Variants in HMOX1 observed in about 807,000 individuals in gnomAD.
HMOX1 encodes the protein heme oxygenase 1, also known as heat shock protein, 32-kD.
A neutral mutation model predicts 27.8 loss-of-function variants in HMOX1; 22 were observed. That is an observed-to-expected ratio of 0.79 (90% CI 0.57 to 1.13). HMOX1 has a LOEUF of 1.13. Ranked by LOEUF, HMOX1 falls within the 50% of genes most tolerant of loss-of-function variation. HMOX1 has a pLI of 0.00. For missense variants in HMOX1, 379 were observed against 377.7 expected (o/e 1.00, Z -0.03); for synonymous variants, 153 against 151.6 (o/e 1.01, Z -0.07).
chr22:35,389,483 C>T (rs759174768), intron 3 of HMOX1, among the ~76,000 whole-genome samples: 3 of 147,044 alleles, frequency 2.0e-5, no homozygotes, highest in Non-Finnish European at 4.4e-5. Context: ...CGCCCTGTCA[C>T]CCGGGCTGGA....
chr22:35,394,118 C>G lies in HMOX1; in HGVS notation c.*520C>G, dbSNP rs530826190. The G allele has an allele frequency of 4.7e-6, 1 of 211,060 alleles. No homozygotes were observed. Among genetic ancestry groups the G allele is most frequent in the African/African-American group, 2.3e-5 (1 of 43,528 alleles). 13.1% of individuals were successfully genotyped at this position (211,060 alleles called of 1,614,324 possible). A position where few individuals can be genotyped will look rare whatever the true frequency, so the allele number is the denominator to read the frequency against. Reference sequence around the variant, plus strand: ...TAGCAGGGTTGGGGTGGTTTTTGAGCCATGCGTGGGTGGGGAGGGAGGTGT... The same window carrying G: ...TAGCAGGGTTGGGGTGGTTTTTGAGGCATGCGTGGGTGGGGAGGGAGGTGT... On this transcript the variant is annotated 3_prime_UTR_variant, in exon 5 of 5. Transcript: ENST00000216117.
intron 4 of HMOX1, among the ~76,000 whole-genome samples, chr22:35,390,845 G>A (rs1426051078): frequency 6.6e-6 from 1 of 152,140 alleles, no homozygotes; most frequent in Non-Finnish European, 1.5e-5. Context: ...GTCTTGTTGT[G>A]TGTGAGCCCC....
At chr22:35,384,056 C>T (rs200449055) in intron 2 of HMOX1, among the ~76,000 whole-genome samples, 1 of 152,046 alleles carries the variant, frequency 6.6e-6, no homozygotes, top group Non-Finnish European at 1.5e-5. Flanking sequence ...TCTGCCACCC[C>T]CTACTTCCAA....
rs56153278 is a variant in HMOX1 at position 35,391,586 on chromosome 22, C to CTTTT, written c.736+1645_736+1648dup. 4.8e-3 allele frequency among the ~76,000 whole-genome samples: 430 copies of CTTTT among 88,908 alleles called. 19 individuals are homozygous for CTTTT. The highest frequency in any genetic ancestry group is 0.016 in the African/African-American group (288 of 17,682). The allele number at this position is 88,908 out of a possible 152,430, so 58.3% of individuals were successfully genotyped here. A position where few individuals can be genotyped will look rare whatever the true frequency, so the allele number is the denominator to read the frequency against. The stretch of plus-strand genomic sequence containing the variant: ...ACAGGTGTGAGCCACCGCGCCCGGC[C>CTTTT]TTTTTTTTTTTTTTTTTTTTTTTTT... On this transcript the variant is annotated intron_variant, in intron 4 of 4. Coordinates refer to ENST00000216117, the MANE Select transcript of HMOX1 (RefSeq NM_002133.3).
At chr22:35,382,155 G>T (rs893196814) in intron 1 of HMOX1, among the ~76,000 whole-genome samples, 2 of 152,034 alleles carry the variant, frequency 1.3e-5, no homozygotes, top group Admixed American at 6.6e-5. Flanking sequence ...GGTTCATGGG[G>T]CTGCTGCTTC....
chr22:35,384,260 T>G (rs1931455516), intron 2 of HMOX1, among the ~76,000 whole-genome samples: 1 of 152,070 alleles, frequency 6.6e-6, no homozygotes, highest in Admixed American at 6.6e-5. Context: ...TTTTGTATTT[T>G]TTTAGTAGAG....
At chr22:35,388,650 A>G (rs948711666) in intron 3 of HMOX1, among the ~76,000 whole-genome samples, 4 of 151,884 alleles carry the variant, frequency 2.6e-5, no homozygotes, top group Non-Finnish European at 5.9e-5. Flanking sequence ...AAAAAAAATT[A>G]GCTGGGCATG....
chr22:35,392,173 G>A (rs1931739161), intron 4 of HMOX1, among the ~76,000 whole-genome samples: 2 of 145,128 alleles, frequency 1.4e-5, no homozygotes, highest in South Asian at 2.2e-4. Context: ...GCAGTGAGCC[G>A]AGATTGCACC....
chr22:35,393,681 T>C lies in HMOX1; in HGVS notation c.*83T>C, dbSNP rs2145773541. The stretch of plus-strand genomic sequence containing the variant: ...TAGAGAGGGAATTCTCTTGGCTGGC[T>C]TCCTTACCGTGGGCACTGAAGGCTT... On this transcript the variant is annotated 3_prime_UTR_variant, in exon 5 of 5. Transcript: ENST00000216117. 6.4e-7 allele frequency: 1 copy of C among 1,566,690 alleles called. No individual in the cohort carries two copies. The highest frequency in any genetic ancestry group is 2.2e-5 in the East Asian group (1 of 44,492).
chr22:35,387,158 G>A lies in HMOX1; in HGVS notation c.618G>A (p.Ala206=), dbSNP rs201692664. 35 of 1,613,496 alleles carry A rather than the reference G, an allele frequency of 2.2e-5. No individual in the cohort carries two copies. In the East Asian group the frequency reaches 2.5e-4, roughly 11 times the overall value. The change falls in exon 3 of 5, where the codon GCG becomes GCA. Residue 206 remains alanine, a synonymous_variant. Transcript: ENST00000216117. ...RQRVIEEAKT[A]FLLNIQLFEE... is the part of the protein sequence containing the mutation. ...GGGTGATAGAAGAGGCCAAGACTGC[G>A]TTCCTGCTCAACATCCAGGTGAGGG...
At chr22:35,390,720 A>C (rs5755717) in intron 4 of HMOX1, among the ~76,000 whole-genome samples, 42,722 of 150,726 alleles carry the variant, frequency 0.28, 6,405 homozygotes, top group East Asian at 0.46. Context: ...ATCATGGGAA[A>C]CTCCTGCCTC....
chr22:35,393,731 T>C lies in HMOX1; in HGVS notation c.*133T>C, dbSNP rs111787422. The C allele has an allele frequency of 3.8e-5, 40 of 1,058,238 alleles. 1 individual carries two copies. Among genetic ancestry groups the C allele is most frequent in the African/African-American group, 3.0e-4 (19 of 64,178 alleles). The allele number at this position is 1,058,238 out of a possible 1,614,324, so 65.6% of individuals were successfully genotyped here. ...TTCAGGGCCTCCAGCCCTCTCACTGTGTCCCTCTCTCTGGAAAGGAGGAAG... is the reference window on the plus strand; with the variant it reads ...TTCAGGGCCTCCAGCCCTCTCACTGCGTCCCTCTCTCTGGAAAGGAGGAAG... On this transcript the variant is annotated 3_prime_UTR_variant, in exon 5 of 5. Transcript: ENST00000216117.
At chr22:35,392,982 C>T (rs959992025) in intron 4 of HMOX1, among the ~76,000 whole-genome samples, 5 of 152,164 alleles carry the variant, frequency 3.3e-5, no homozygotes, top group Admixed American at 6.5e-5. Flanking sequence ...TCCCAAAGTG[C>T]TGGGATTACA....
chr22:35,393,478 C>G lies in HMOX1; in HGVS notation c.747C>G (p.Pro249=), dbSNP rs202162853. The change falls in exon 5 of 5, where the codon CCC becomes CCG. Residue 249 remains proline, a synonymous_variant. Coordinates refer to ENST00000216117, the MANE Select transcript of HMOX1 (RefSeq NM_002133.3). ...CATTTTCTCTTTCAGATTCTGCCCC[C>G]GTGGAGACTCCCAGAGGGAAGCCCC... The part of the protein sequence containing the change: ...RASNKVQDSA[P]VETPRGKPPL... 1.2e-6 allele frequency: 2 copies of G among 1,614,198 alleles called. No individual in the cohort carries two copies.
In HMOX1 at chr22:35,387,072, T is replaced by C. The variant is rs1569056302; in HGVS notation, c.532T>C (p.Phe178Leu). ...TFPNIASATK[F>L]KQLYRSRMNS... ...CCCCAACATTGCCAGTGCCACCAAG[T>C]TCAAGCAGCTCTACCGCTCCCGCAT... The change falls in exon 3 of 5, where the codon TTC becomes CTC. Residue 178 changes from phenylalanine to leucine, a missense_variant. Transcript: ENST00000216117. 1 of 1,613,552 alleles carries C rather than the reference T, an allele frequency of 6.2e-7. No homozygotes were observed.
chr22:35,394,010 G>GT lies in HMOX1; in HGVS notation c.*417dup. The GT allele has an allele frequency of 3.2e-6, 1 of 310,766 alleles. No homozygotes were observed. The highest frequency in any genetic ancestry group is 3.0e-5 in the South Asian group (1 of 33,798). The allele number at this position is 310,766 out of a possible 1,614,324, so 19.3% of individuals were successfully genotyped here. A position where few individuals can be genotyped will look rare whatever the true frequency, so the allele number is the denominator to read the frequency against. ...AACCTGAAAAGATGTTGTGTCTTGT[G>GT]TTTTTGTCTTATTTTTGTTGGAGCC... On this transcript the variant is annotated 3_prime_UTR_variant, in exon 5 of 5. Transcript: ENST00000216117.
chr22:35,387,563 G>A (rs1464306066), intron 3 of HMOX1, among the ~76,000 whole-genome samples: 1 of 152,230 alleles, frequency 6.6e-6, no homozygotes, highest in Non-Finnish European at 1.5e-5. Context: ...GTGTGCACTA[G>A]TGTATAGCCA....
chr22:35,388,584 G>A (rs961164623), intron 3 of HMOX1, among the ~76,000 whole-genome samples: 3 of 151,782 alleles, frequency 2.0e-5, no homozygotes, highest in South Asian at 2.1e-4. Context: ...TCAGGAGATC[G>A]AGACCATCCT....
In HMOX1 at chr22:35,393,786, C is replaced by T; in HGVS notation, c.*188C>T. 1.4e-6 allele frequency: 1 copy of T among 701,394 alleles called. No homozygotes were observed. Among genetic ancestry groups the T allele is most frequent in the Non-Finnish European group, 2.5e-6 (1 of 401,048 alleles). The allele number at this position is 701,394 out of a possible 1,614,324, so 43.4% of individuals were successfully genotyped here. A position where few individuals can be genotyped will look rare whatever the true frequency, so the allele number is the denominator to read the frequency against. On this transcript the variant is annotated 3_prime_UTR_variant, in exon 5 of 5. Transcript: ENST00000216117. ...CTATGGCATCTTCCCCAACGAAAAG[C>T]ACATCCAGGCAATGGCCTAAACTTC...
Sources: gnomAD v4.1 joint callset for allele counts (sites outside exome capture counted in the v4.1 genomes callset) on GRCh38, gnomAD v4.1.1 for gene constraint, MANE v1.5 for transcripts, NCBI Gene and HGNC (gene_info 2026-07-23, HGNC 2026-07-21) for gene names.